Variants in CUBN observed in about 807,000 individuals in gnomAD.
CUBN encodes 460 kDa receptor.
CUBN carries 282 observed loss-of-function variants against 405.3 expected under a neutral mutation model. The ratio of observed to expected loss-of-function variants is 0.70; its 90% CI spans 0.63 to 0.77. CUBN has a LOEUF of 0.77. Among genes scored for constraint, CUBN ranks in the 30% least tolerant of loss-of-function variants. CUBN has a pLI of 0.00. For synonymous variants in CUBN, 1,684 were observed against 1,617.0 expected, an observed-to-expected ratio of 1.04 and a Z score of -0.99; for missense variants, 4,514 against 4,475.2, an observed-to-expected ratio of 1.01 and a Z score of -0.25.
intron 31 of CUBN, among the ~76,000 whole-genome samples, chr10:16,955,305 G>C (rs1284807030): frequency 2.0e-5 from 3 of 149,924 alleles, no homozygotes; most frequent in Non-Finnish European, 3.0e-5. Context: ...CCTGGGAGGC[G>C]GAGGTTGCAG....
chr10:16,842,015 A>T (rs957875169), intron 60 of CUBN, among the ~76,000 whole-genome samples: 1 of 150,906 alleles, frequency 6.6e-6, no homozygotes, highest in Non-Finnish European at 1.5e-5. Flanking sequence ...TCTCCACAGC[A>T]ACTGTTACCT....
chr10:16,980,183 C>T (rs1833223343), intron 31 of CUBN, among the ~76,000 whole-genome samples: 1 of 152,142 alleles, frequency 6.6e-6, no homozygotes, highest in Non-Finnish European at 1.5e-5. Context: ...ATTAAAAAGT[C>T]AGGAAACAAC....
At position 16,901,328 on chromosome 10, in the gene CUBN, T is replaced by C; in HGVS notation, c.8184+10A>G. On this transcript the variant is annotated intron_variant, in intron 52 of 66. Transcript: ENST00000377833. ...TCTCAGAAGCATTTCACCCAGTCAT[T>C]AGCACTCACAGTGATGGTGTGCCCT... is the stretch of plus-strand genomic sequence containing the variant. 6.2e-7 allele frequency: 1 copy of C among 1,614,080 alleles called. No homozygotes were observed. The highest frequency in any genetic ancestry group is 2.2e-5 in the East Asian group (1 of 44,876).
At chr10:16,852,662 T>C (rs1056130846) in intron 59 of CUBN, among the ~76,000 whole-genome samples, 30 of 152,248 alleles carry the variant, frequency 2.0e-4, no homozygotes, top group Non-Finnish European at 1.0e-4. Context: ...ATGTGATTTA[T>C]TGAAGATTTT....
At position 17,065,465 on chromosome 10, in the gene CUBN, C is replaced by T. The variant is rs372363221; in HGVS notation, c.3139+43G>A. 81 of 1,609,726 alleles carry T rather than the reference C, an allele frequency of 5.0e-5. No homozygotes were observed. The African/African-American group carries it at 1.1e-3, about 21-fold the overall frequency. ...TGTTTTAGCTATTAGCACTGTTTTG[C>T]AATGGAGTCAATAAAACCGAGTATG... is the stretch of plus-strand genomic sequence containing the variant. On this transcript the variant is annotated intron_variant, in intron 22 of 66. Transcript: ENST00000377833.
At position 17,071,555 on chromosome 10, in the gene CUBN, A is replaced by C. The variant is rs985525874; in HGVS notation, c.2496T>G (p.Phe832Leu). 7 of 1,612,852 alleles carry C rather than the reference A, an allele frequency of 4.3e-6. No homozygotes were observed. The African/African-American group carries it at 9.4e-5, about 22-fold the overall frequency. ...TGEGVIRSPF[F>L]PNVYPGERTC... is the part of the protein sequence containing the mutation. ...TTCTTTCTCCAGGATACACGTTAGG[A>C]AAAAAAGGCGAGCGAATGACCCCTT... Residue 832 changes from phenylalanine (F) to leucine (L), a missense_variant, in exon 19 of 67, where the codon TTT becomes TTG. By Grantham distance (22) the Phe-to-Leu change is conservative (BLOSUM62 0). Transcript: ENST00000377833.
chr10:16,862,160 T>TCACA (rs66664283), intron 59 of CUBN, among the ~76,000 whole-genome samples: 11,242 of 131,078 alleles, frequency 0.086, 745 homozygotes, highest in Admixed American at 0.22. Context: ...TCTCTCTCTC[T>TCACA]CACACACACA....
intron 28 of CUBN, among the ~76,000 whole-genome samples, chr10:17,014,213 C>T (rs1285955189): frequency 6.6e-6 from 1 of 152,142 alleles, no homozygotes; most frequent in Non-Finnish European, 1.5e-5. Flanking sequence ...TTAGGTATGC[C>T]ACTGGTTGTG....
intron 17 of CUBN, among the ~76,000 whole-genome samples, chr10:17,077,376 C>T (rs1835875971): frequency 6.6e-6 from 1 of 152,200 alleles, no homozygotes; most frequent in African/African-American, 2.4e-5. Flanking sequence ...CTGAGAAACA[C>T]CATTTACATG....
chr10:17,117,547 T>C lies in CUBN; in HGVS notation c.594-1950A>G, dbSNP rs565919774. On this transcript the variant is annotated intron_variant, in intron 6 of 66. Coordinates refer to ENST00000377833, the MANE Select transcript of CUBN (RefSeq NM_001081.4). Reference sequence around the variant, plus strand: ...GTGCCACCACACCCGGCTAATTTTTTATTTCTTTTTTTAGTAGAGATGGGT... The same window carrying C: ...GTGCCACCACACCCGGCTAATTTTTCATTTCTTTTTTTAGTAGAGATGGGT... Among the ~76,000 whole-genome samples, 15 of 152,180 alleles carry C rather than the reference T, an allele frequency of 9.9e-5. No individual in the cohort carries two copies. In the East Asian group the frequency reaches 2.7e-3, roughly 27 times the overall value.
At chr10:17,058,321 T>C (rs1260550780) in intron 22 of CUBN, among the ~76,000 whole-genome samples, 5 of 151,688 alleles carry the variant, frequency 3.3e-5, no homozygotes, top group Non-Finnish European at 7.4e-5. Flanking sequence ...AATGGAGAGG[T>C]AGTTAAATGG....
At position 17,065,505 on chromosome 10, in the gene CUBN, T is replaced by C. The variant is rs750095593; in HGVS notation, c.3139+3A>G. ...AACCGAGTATGCAATGCTGTTTTGT[T>C]ACCTGTTGCTGCACTGATTGCTTCA... is the stretch of plus-strand genomic sequence containing the variant. On this transcript the variant is annotated splice_donor_region_variant and intron_variant, in intron 22 of 66. Transcript: ENST00000377833. The C allele has an allele frequency of 6.2e-7, 1 of 1,613,108 alleles. No individual in the cohort carries two copies. The highest frequency in any genetic ancestry group is 1.1e-5 in the South Asian group (1 of 91,072).
rs890916771 is a variant in CUBN, at chr10:16,935,403, C to T, written c.5927-2119G>A. Among the ~76,000 whole-genome samples the T allele has an allele frequency of 2.6e-5, 4 of 152,212 alleles. No individual in the cohort carries two copies. The East Asian group carries it at 7.8e-4, about 29-fold the overall frequency. On this transcript the variant is annotated intron_variant, in intron 39 of 66. Coordinates refer to ENST00000377833, the MANE Select transcript of CUBN (RefSeq NM_001081.4). ...CCTGGGCTTCAAGCAACCCTCCTGC[C>T]TCAGCCTCCCAAAGTGCTGGGATTA...
chr10:16,884,499 A>G (rs1407018616), intron 56 of CUBN, among the ~76,000 whole-genome samples: 1 of 152,188 alleles, frequency 6.6e-6, no homozygotes, highest in African/African-American at 2.4e-5. Context: ...CAGTTATTTA[A>G]TAATACCAGA....
intron 28 of CUBN, among the ~76,000 whole-genome samples, chr10:17,015,895 G>C (rs985876647): frequency 8.5e-5 from 13 of 152,258 alleles, no homozygotes; most frequent in Middle Eastern, 3.4e-3. Flanking sequence ...AACCACCAAG[G>C]TTTGTTTGTC....
intron 11 of CUBN, among the ~76,000 whole-genome samples, 175 bp from the exon 12 acceptor site, chr10:17,104,780 AATAATTATATATGT>A (rs1379052703): frequency 2.1e-5 from 3 of 146,058 alleles, no homozygotes; most frequent in African/African-American, 7.4e-5. Flanking sequence ...TTATTTATGT[AATAATTATATATGT>A]ATAATTATAT....
intron 36 of CUBN, among the ~76,000 whole-genome samples, chr10:16,943,819 TG>T (rs2131613549): frequency 6.6e-6 from 1 of 152,320 alleles, no homozygotes; most frequent in African/African-American, 2.4e-5. Flanking sequence ...GATTACAAAG[TG>T]AAGGTCTTTT....
intron 50 of CUBN, among the ~76,000 whole-genome samples, chr10:16,904,622 C>T (rs1304682125): frequency 6.6e-6 from 1 of 152,226 alleles, no homozygotes; most frequent in African/African-American, 2.4e-5. Flanking sequence ...ATGAAGATTA[C>T]ATTTCGTGGG....
intron 28 of CUBN, among the ~76,000 whole-genome samples, chr10:17,016,132 C>T (rs965742103): frequency 6.6e-6 from 1 of 151,948 alleles, no homozygotes; most frequent in East Asian, 2.0e-4. Context: ...AGTCAGGTGA[C>T]AGGGGAGTAT....
Sources: allele counts gnomAD v4.1 joint callset (sites outside exome capture counted in the v4.1 genomes callset), GRCh38; gene constraint gnomAD v4.1.1; transcripts MANE v1.5; gene names NCBI Gene and HGNC (gene_info 2026-07-23, HGNC 2026-07-21).